FBXO40: variants seen among roughly 807,000 people sequenced by gnomAD.
The protein encoded by FBXO40 is F-box only protein 40.
Under a neutral mutation model 49.9 loss-of-function variants are expected in FBXO40, and 50 were observed. The observed-to-expected ratio is 1.00, with a 90% CI of 0.80 to 1.27. The LOEUF (loss-of-function observed/expected upper bound fraction) is 1.27. Ranked by LOEUF, FBXO40 falls within the 50% of genes most tolerant of loss-of-function variation. The probability of loss-of-function intolerance (pLI) is 0.00; values close to 1 mark genes in which losing one functional copy is unlikely to be tolerated. For synonymous variants in FBXO40, 340 were observed against 320.2 expected (o/e 1.06, Z -0.66); for missense variants, 895 against 870.1 (o/e 1.03, Z -0.36).
rs1285848634 is a variant in FBXO40, at chr3:121,622,728, T to G, written c.1299T>G (p.Phe433Leu). ...FMDFATQTYN[F>L]EPEQFSSGTV... ...ATTTTGCCACACAAACATACAACTT[T>G]GAGCCAGAACAGTTTTCCTCTGGGA... The change falls in exon 3 of 4, where the codon TTT becomes TTG. Residue 433 changes from phenylalanine (F) to leucine (L), a missense_variant. Phe to Leu is a conservative substitution (Grantham distance 22, BLOSUM62 0). Transcript: ENST00000338040. 1 of 1,614,076 alleles carries G rather than the reference T, an allele frequency of 6.2e-7. No individual in the cohort carries two copies. Among genetic ancestry groups the G allele is most frequent in the African/African-American group, 1.3e-5 (1 of 74,934 alleles).
intron 2 of FBXO40, 60 bp from the exon 3 acceptor site, chr3:121,621,373 T>C: frequency 7.0e-7 from 1 of 1,435,182 alleles, no homozygotes; most frequent in Non-Finnish European, 9.6e-7. Flanking sequence ...GTCATAGACA[T>C]GCATAGAGCT....
intron 3 of FBXO40, 109 bp downstream of exon 3, chr3:121,623,452 CAGCCT>C: frequency 1.2e-6 from 1 of 868,866 alleles, no homozygotes; most frequent in Non-Finnish European, 1.7e-6. Context: ...GGTGCAATCA[CAGCCT>C]TGAACTTCTG....
chr3:121,596,937 G>C (rs543682801), intron 1 of FBXO40, among the ~76,000 whole-genome samples: 4 of 152,254 alleles, frequency 2.6e-5, no homozygotes, highest in South Asian at 4.2e-4. Flanking sequence ...AGTGCTGGGG[G>C]CAGTGTTTGC....
intron 3 of FBXO40, 93 bp downstream of exon 3, chr3:121,623,436 T>A: frequency 1.9e-6 from 2 of 1,050,276 alleles, no homozygotes; most frequent in East Asian, 2.6e-5. Context: ...CAGGCAAAAG[T>A]GCAGTGGTGC....
intron 1 of FBXO40, among the ~76,000 whole-genome samples, chr3:121,593,835 C>G (rs1205081464): frequency 6.6e-6 from 1 of 152,026 alleles, no homozygotes; most frequent in African/African-American, 2.4e-5. Flanking sequence ...GGTGAGGAAA[C>G]AAGTGGAAGG....
rs867810277 is a variant in FBXO40 at position 121,621,620 on chromosome 3, C to T, written c.191C>T (p.Pro64Leu). The T allele has an allele frequency of 4.3e-6, 7 of 1,614,210 alleles. No individual in the cohort carries two copies. Among genetic ancestry groups the T allele is most frequent in the Non-Finnish European group, 5.9e-6 (7 of 1,180,028 alleles). ...HQLLCPLEQVPCLNSEYGCPL... is the reference protein window; with the variant it reads ...HQLLCPLEQVLCLNSEYGCPL... ...CTCCTCTGCCCTTTAGAGCAGGTTC[C>T]GTGCCTCAACTCCGAATATGGCTGC... Residue 64 changes from proline to leucine, a missense_variant, in exon 3 of 4, where the codon CCG (proline) becomes CTG (leucine). Pro to Leu is a moderately conservative substitution (Grantham distance 98). Coordinates refer to ENST00000338040, the MANE Select transcript of FBXO40 (RefSeq NM_016298.4).
rs149930946 is a variant in FBXO40 at position 121,600,836 on chromosome 3, G to A, written c.-31+7334G>A. Reference sequence around the variant, plus strand: ...AAAGGCACTAAAATTTCATTTCTCTGCCTCCGTGACACCCAAAATGCAGAG... The same window carrying A: ...AAAGGCACTAAAATTTCATTTCTCTACCTCCGTGACACCCAAAATGCAGAG... On this transcript the variant is annotated intron_variant, in intron 1 of 3. Coordinates refer to ENST00000338040, the MANE Select transcript of FBXO40 (RefSeq NM_016298.4). 5.3e-5 allele frequency among the ~76,000 whole-genome samples: 8 copies of A among 152,310 alleles called. No homozygotes were observed. In the East Asian group the frequency reaches 1.5e-3, roughly 29 times the overall value.
intron 1 of FBXO40, among the ~76,000 whole-genome samples, chr3:121,606,808 C>A (rs965169743): frequency 6.6e-6 from 1 of 152,126 alleles, no homozygotes; most frequent in Non-Finnish European, 1.5e-5. Context: ...ATGATTAACC[C>A]TTTCCACCTT....
rs4676684 is a variant in FBXO40 at position 121,621,689 on chromosome 3, T to C, written c.260T>C (p.Val87Ala). 0.28 allele frequency: 451,721 copies of C among 1,613,992 alleles called. 69,930 individuals carry two copies. Among genetic ancestry groups the C allele is most frequent in the Admixed American group, 0.55 (33,078 of 60,022 alleles). ...CACAAACTGGCCAAGCACCTGCAGG[T>C]GTGCCCCGCCAGCGTGGTCTGCTGC... Reference protein sequence around the residue: ...SRHKLAKHLQVCPASVVCCSM... With the variant: ...SRHKLAKHLQACPASVVCCSM... Residue 87 changes from valine (V) to alanine (A), a missense_variant, in exon 3 of 4, where the codon GTG becomes GCG. Transcript: ENST00000338040.
chr3:121,611,688 G>T (rs145104961), intron 1 of FBXO40, among the ~76,000 whole-genome samples: 1 of 152,272 alleles, frequency 6.6e-6, no homozygotes, highest in Admixed American at 6.5e-5. Context: ...CCCTTTACGG[G>T]TGTCAGGCTT....
intron 3 of FBXO40, 67 bp from the exon 4 acceptor site, chr3:121,626,628 C>A: frequency 1.4e-6 from 2 of 1,413,048 alleles, no homozygotes; most frequent in Admixed American, 1.7e-5. Context: ...CCTTATAGTG[C>A]CCAAATAAAG....
chr3:121,618,735 G>A (rs6777139), intron 1 of FBXO40, among the ~76,000 whole-genome samples: 1,528 of 151,914 alleles, frequency 0.01, 19 homozygotes, highest in African/African-American at 0.034. Flanking sequence ...AACTGTGTGT[G>A]TGTGTGTATG....
At chr3:121,594,615 T>G (rs1293493042) in intron 1 of FBXO40, among the ~76,000 whole-genome samples, 2 of 152,238 alleles carry the variant, frequency 1.3e-5, no homozygotes, top group Non-Finnish European at 2.9e-5. Flanking sequence ...TGTGTCATAC[T>G]ACTGGTTAAT....
Position 121,627,958 on chromosome 3 carries a change from A to G in FBXO40, c.*1048A>G. The G allele has an allele frequency of 2.5e-6, 1 of 398,646 alleles. No individual in the cohort carries two copies. Among genetic ancestry groups the G allele is most frequent in the East Asian group, 3.6e-5 (1 of 28,076 alleles). 24.7% of individuals were successfully genotyped at this position (398,646 alleles called of 1,614,324 possible). On this transcript the variant is annotated 3_prime_UTR_variant, in exon 4 of 4. Coordinates refer to ENST00000338040, the MANE Select transcript of FBXO40 (RefSeq NM_016298.4). ...GGGTCTTGGAGAGGAAGACATGTGAACATAACGGCTCCCTGAAATTGCTCC... is the reference window on the plus strand; with the variant it reads ...GGGTCTTGGAGAGGAAGACATGTGAGCATAACGGCTCCCTGAAATTGCTCC...
In FBXO40 at chr3:121,621,594, G is replaced by A; in HGVS notation, c.165G>A (p.Gln55=). Residue 55 remains glutamine (Q), a synonymous_variant, in exon 3 of 4, where the codon CAG becomes CAA. Transcript: ENST00000338040. ...TFHMCKEAEH[Q]LLCPLEQVPC... is the part of the protein sequence containing the mutation. ...ACATGTGCAAAGAGGCAGAGCACCA[G>A]CTCCTCTGCCCTTTAGAGCAGGTTC... The A allele has an allele frequency of 6.2e-7, 1 of 1,614,248 alleles. No homozygotes were observed. The highest frequency in any genetic ancestry group is 1.1e-5 in the South Asian group (1 of 91,082).
chr3:121,596,343 T>G lies in FBXO40; in HGVS notation c.-31+2841T>G, dbSNP rs143933914. Among the ~76,000 whole-genome samples the G allele has an allele frequency of 5.3e-5, 8 of 152,352 alleles. No individual in the cohort carries two copies. In the East Asian group the frequency reaches 9.6e-4, roughly 18 times the overall value. ...AGCACGTGACTAGAGCCAGAGACTC[T>G]GGGAGCATAGGCAAGACATTTCACT... On this transcript the variant is annotated intron_variant, in intron 1 of 3. Transcript: ENST00000338040.
chr3:121,604,171 G>C (rs565895288), intron 1 of FBXO40, among the ~76,000 whole-genome samples: 2 of 152,172 alleles, frequency 1.3e-5, no homozygotes, highest in Non-Finnish European at 2.9e-5. Context: ...CGTCATTGAT[G>C]TTAACTCTGC....
At chr3:121,597,877 G>T (rs999593613) in intron 1 of FBXO40, among the ~76,000 whole-genome samples, 8 of 152,016 alleles carry the variant, frequency 5.3e-5, no homozygotes, top group Non-Finnish European at 1.2e-4. Context: ...TGGCCAGGCT[G>T]GTGTCAAACT....
In FBXO40 at chr3:121,623,077, G is replaced by C. The variant is rs762015433; in HGVS notation, c.1648G>C (p.Ala550Pro). 24 of 1,614,130 alleles carry C rather than the reference G, an allele frequency of 1.5e-5. No homozygotes were observed. Among genetic ancestry groups the C allele is most frequent in the Middle Eastern group, 1.6e-4 (1 of 6,084 alleles). Residue 550 changes from alanine to proline, a missense_variant, in exon 3 of 4, where the codon GCT (alanine) becomes CCT (proline). Coordinates refer to ENST00000338040, the MANE Select transcript of FBXO40 (RefSeq NM_016298.4). ...GACCTTTGCCATTAAGCCGGAGGTT[G>C]CTCCAGAGCTGAGCGAGGGAAGGAA... ...LKTFAIKPEV[A>P]PELSEGRKNN...
Sources: gnomAD v4.1 joint callset for allele counts (sites outside exome capture counted in the v4.1 genomes callset) on GRCh38, gnomAD v4.1.1 for gene constraint, MANE v1.5 for transcripts, NCBI Gene and HGNC (gene_info 2026-07-23, HGNC 2026-07-21) for gene names.